Variants in ZMYM4 observed in about 807,000 individuals in gnomAD.
ZMYM4 encodes zinc finger MYM-type protein 4.
ZMYM4 carries 31 observed loss-of-function variants against 183.2 expected under a neutral mutation model. The observed-to-expected ratio is 0.17, with a 90% CI of 0.13 to 0.23. The LOEUF (loss-of-function observed/expected upper bound fraction) is 0.23, where lower values mean the gene tolerates loss of function less well. Among genes scored for constraint, ZMYM4 ranks in the 10% least tolerant of loss-of-function variants. The probability of loss-of-function intolerance (pLI) is 1.00; values close to 1 mark genes in which losing one functional copy is unlikely to be tolerated. For synonymous variants in ZMYM4, 592 were observed against 631.2 expected (o/e 0.94, Z 0.93); for missense variants, 1,273 against 1,840.3 (o/e 0.69, Z 5.64).
intron 2 of ZMYM4, among the ~76,000 whole-genome samples, chr1:35,329,996 G>A (rs1304419873): frequency 6.6e-6 from 1 of 152,120 alleles, no homozygotes; most frequent in Non-Finnish European, 1.5e-5. Flanking sequence ...CAAGAGGATT[G>A]CATGAACCCA....
intron 2 of ZMYM4, among the ~76,000 whole-genome samples, chr1:35,346,862 C>T (rs545365639): frequency 6.6e-6 from 1 of 152,210 alleles, no homozygotes; most frequent in South Asian, 2.1e-4. Flanking sequence ...TTTAAGCTTT[C>T]TTGGCTGTGG....
chr1:35,357,387 C>T (rs182090214), intron 2 of ZMYM4, among the ~76,000 whole-genome samples: 18 of 152,310 alleles, frequency 1.2e-4, no homozygotes, highest in Admixed American at 2.0e-4. Context: ...TTTTAGTCTT[C>T]GCCTCACTCT....
At chr1:35,334,358 C>G (rs1460649912) in intron 2 of ZMYM4, among the ~76,000 whole-genome samples, 6 of 152,028 alleles carry the variant, frequency 3.9e-5, no homozygotes, top group Non-Finnish European at 5.9e-5. Flanking sequence ...ACATTTCCAC[C>G]AGCAGTGTAG....
intron 5 of ZMYM4, among the ~76,000 whole-genome samples, chr1:35,368,406 CAA>C (rs1322871196): frequency 1.3e-5 from 2 of 151,902 alleles, no homozygotes; most frequent in Admixed American, 1.3e-4. Context: ...AAAATGGAAA[CAA>C]ATATATAAAA....
chr1:35,356,897 G>GA (rs750007004), intron 2 of ZMYM4, among the ~76,000 whole-genome samples: 5 of 151,616 alleles, frequency 3.3e-5, no homozygotes, highest in Non-Finnish European at 7.4e-5. Flanking sequence ...AAAAAAGAAA[G>GA]AAACAGGGGG....
At chr1:35,298,667 G>T (rs1641133545) in intron 1 of ZMYM4, among the ~76,000 whole-genome samples, 1 of 152,148 alleles carries the variant, frequency 6.6e-6, no homozygotes, top group Non-Finnish European at 1.5e-5. Flanking sequence ...GAGCAAGCCG[G>T]CTAGAGAACA....
In ZMYM4 at chr1:35,283,172, AT is replaced by A. The variant is rs374953287; in HGVS notation, c.39+14101del. Among the ~76,000 whole-genome samples the A allele has an allele frequency of 2.3e-3, 278 of 121,094 alleles. 2 individuals are homozygous for A. The highest frequency in any genetic ancestry group is 1.9e-3 in the Non-Finnish European group (111 of 59,030). 79.4% of individuals were successfully genotyped at this position (121,094 alleles called of 152,430 possible). A position where few individuals can be genotyped will look rare whatever the true frequency, so the allele number is the denominator to read the frequency against. ...AGGTGTGTGCCATCATGCCTGGCTA[AT>A]TTTTTTTTTTTTTGTACTTTTAGTA... On this transcript the variant is annotated intron_variant, in intron 1 of 29. Transcript: ENST00000314607.
At chr1:35,385,245 C>T (rs1253262259) in intron 9 of ZMYM4, among the ~76,000 whole-genome samples, 197 bp from the exon 10 acceptor site, 2 of 152,202 alleles carry the variant, frequency 1.3e-5, no homozygotes, top group East Asian at 1.9e-4. Context: ...AGTTTTATTA[C>T]ATACATGCAT....
At chr1:35,320,462 T>C (rs1642234555) in intron 1 of ZMYM4, among the ~76,000 whole-genome samples, 1 of 152,238 alleles carries the variant, frequency 6.6e-6, no homozygotes, top group South Asian at 2.1e-4. Context: ...TGTTCACCTG[T>C]ATCCTTTGTA....
At position 35,372,346 on chromosome 1, in the gene ZMYM4, T is replaced by G. The variant is rs551412535; in HGVS notation, c.1181+1719T>G. 1.7e-3 allele frequency among the ~76,000 whole-genome samples: 254 copies of G among 152,338 alleles called. 1 individual carries two copies. The highest frequency in any genetic ancestry group is 6.8e-3 in the Middle Eastern group (2 of 294). On this transcript the variant is annotated intron_variant, in intron 7 of 29. Coordinates refer to ENST00000314607, the MANE Select transcript of ZMYM4 (RefSeq NM_005095.3). Reference sequence around the variant, plus strand: ...GATTTTGGCTTATTTCTTTAAAAATTTATTTCATTAGAACATAAACCATGA... The same window carrying G: ...GATTTTGGCTTATTTCTTTAAAAATGTATTTCATTAGAACATAAACCATGA...
chr1:35,295,377 C>A (rs1299682646), intron 1 of ZMYM4, among the ~76,000 whole-genome samples: 1 of 152,006 alleles, frequency 6.6e-6, no homozygotes, highest in Non-Finnish European at 1.5e-5. Flanking sequence ...TTGTGAACAT[C>A]AAAGAGGCAG....
chr1:35,415,346 A>G, intron 27 of ZMYM4, 120 bp from the exon 28 acceptor site: 1 of 1,343,736 alleles, frequency 7.4e-7, no homozygotes, highest in Non-Finnish European at 1.0e-6. Flanking sequence ...CATAAGGAAG[A>G]GGGGAAAGAG....
In ZMYM4 at chr1:35,389,185, T is replaced by G; in HGVS notation, c.2436+103T>G. The stretch of plus-strand genomic sequence containing the variant: ...GGACAATTTAATTATTTAAAACTTT[T>G]AAGTATTAAATGTTTTATGCCTTCT... On this transcript the variant is annotated intron_variant, in intron 14 of 29. Transcript: ENST00000314607. This position sits in a 1 kb window ranked among gnomAD's most constrained non-coding sequence, Gnocchi z 4.0. 1 of 1,209,282 alleles carries G rather than the reference T, an allele frequency of 8.3e-7. No homozygotes were observed. Among genetic ancestry groups the G allele is most frequent in the Non-Finnish European group, 1.1e-6 (1 of 883,058 alleles). 74.9% of individuals were successfully genotyped at this position (1,209,282 alleles called of 1,614,324 possible).
chr1:35,366,789 G>A (rs532182385), intron 5 of ZMYM4, among the ~76,000 whole-genome samples: 8 of 152,226 alleles, frequency 5.3e-5, no homozygotes, highest in South Asian at 2.1e-4. Flanking sequence ...AGCGGGGGGC[G>A]AATCACTTGA....
chr1:35,404,991 T>C, intron 23 of ZMYM4, 32 bp from the exon 24 acceptor site: 1 of 1,557,018 alleles, frequency 6.4e-7, no homozygotes, highest in Non-Finnish European at 8.7e-7. Context: ...AAACTAAATT[T>C]TATGTTCTGT....
chr1:35,392,523 G>T, intron 16 of ZMYM4, 124 bp from the exon 17 acceptor site: 1 of 1,292,374 alleles, frequency 7.7e-7, no homozygotes, highest in African/African-American at 1.5e-5. Context: ...AGTTTCTTCC[G>T]TTGAATTAAA....
rs1416146750 is a variant in ZMYM4, at chr1:35,389,450, T to TA, written c.2436+368_2436+369insA. ...GAAGTCTGTATGTTACATGTGTTTTTTAAAAAAAATTAGTATAAAATCAGC... is the reference window on the plus strand; with the variant it reads ...GAAGTCTGTATGTTACATGTGTTTTTATAAAAAAAATTAGTATAAAATCAGC... On this transcript the variant is annotated intron_variant, in intron 14 of 29. Coordinates refer to ENST00000314607, the MANE Select transcript of ZMYM4 (RefSeq NM_005095.3). This position sits in a 1 kb window ranked among gnomAD's most constrained non-coding sequence, Gnocchi z 4.0. Among the ~76,000 whole-genome samples, 5 of 152,020 alleles carry TA rather than the reference T, an allele frequency of 3.3e-5. No homozygotes were observed. Among genetic ancestry groups the TA allele is most frequent in the African/African-American group, 1.2e-4 (5 of 41,362 alleles).
chr1:35,285,431 A>G (rs1557912475), intron 1 of ZMYM4, among the ~76,000 whole-genome samples: 1 of 152,102 alleles, frequency 6.6e-6, no homozygotes, highest in South Asian at 2.1e-4. Flanking sequence ...CAATCAGTAT[A>G]ATCTACCACA....
chr1:35,324,406 C>T lies in ZMYM4; in HGVS notation c.40-954C>T, dbSNP rs898678840. Among the ~76,000 whole-genome samples the T allele has an allele frequency of 6.6e-5, 10 of 152,182 alleles. No homozygotes were observed. The East Asian group carries it at 1.9e-3, about 29-fold the overall frequency. On this transcript the variant is annotated intron_variant, in intron 1 of 29. Transcript: ENST00000314607. ...GCCACTGGGCCCAGCCAAGAAGTTGCTTTTTTATAAGTTACTTGTTTCCTT... is the reference window on the plus strand; with the variant it reads ...GCCACTGGGCCCAGCCAAGAAGTTGTTTTTTTATAAGTTACTTGTTTCCTT...
Sources: allele counts gnomAD v4.1 joint callset (sites outside exome capture counted in the v4.1 genomes callset), GRCh38; gene constraint gnomAD v4.1.1; non-coding constraint Gnocchi (gnomAD v3.1); transcripts MANE v1.5; gene names NCBI Gene and HGNC (gene_info 2026-07-23, HGNC 2026-07-21).